Variants in RREB1 observed in about 807,000 individuals in gnomAD.
RREB1 encodes the protein ras responsive element binding protein 1.
In RREB1, 27 loss-of-function variants were observed where a neutral mutation model predicts 117.8. The ratio of observed to expected loss-of-function variants is 0.23; its 90% confidence interval spans 0.17 to 0.32. The LOEUF (loss-of-function observed/expected upper bound fraction) is 0.32, where lower values mean the gene tolerates loss of function less well. Ranked by LOEUF, RREB1 falls within the 10% of genes least tolerant of loss-of-function variation. RREB1 has a pLI of 1.00. For missense variants in RREB1, 2,577 were observed against 2,378.2 expected, an observed-to-expected ratio of 1.08 and a Z score of -1.74; for synonymous variants, 1,298 against 1,026.7, an observed-to-expected ratio of 1.26 and a Z score of -5.05.
At chr6:7,123,610 CTTT>C (rs5874079) in intron 1 of RREB1, among the ~76,000 whole-genome samples, 2 of 122,846 alleles carry the variant, frequency 1.6e-5, no homozygotes, top group Non-Finnish European at 3.3e-5. Flanking sequence ...TGTGATGTGT[CTTT>C]TTTTTTTTTT....
At chr6:7,129,503 T>A (rs560334188) in intron 1 of RREB1, among the ~76,000 whole-genome samples, 2 of 152,326 alleles carry the variant, frequency 1.3e-5, no homozygotes, top group African/African-American at 4.8e-5. Context: ...CACTGTTTGC[T>A]TTTTGGCCTG....
chr6:7,188,505 G>A (rs1765224798), intron 5 of RREB1, among the ~76,000 whole-genome samples: 1 of 152,144 alleles, frequency 6.6e-6, no homozygotes, highest in East Asian at 1.9e-4. Flanking sequence ...TACTCAGCTT[G>A]GGGTCTTTTT....
chr6:7,230,911 T>G lies in RREB1; in HGVS notation c.2812T>G (p.Ser938Ala), dbSNP rs747806428. 2 of 1,613,962 alleles carry G rather than the reference T, an allele frequency of 1.2e-6. No homozygotes were observed. Among genetic ancestry groups the G allele is most frequent in the African/African-American group, 2.7e-5 (2 of 74,912 alleles). ...CTGCTCCATGGAGCCCATCGACCTG[T>G]CCATCCCCAAGAACTTCAGGAAAGG... is the stretch of plus-strand genomic sequence containing the variant. The part of the protein sequence containing the change: ...YDCSMEPIDL[S>A]IPKNFRKGDK... Residue 938 changes from serine (S) to alanine (A), a missense_variant, in exon 10 of 13, where the codon TCC (serine) becomes GCC (alanine). By Grantham distance (99) the Ser-to-Ala change is moderately conservative (BLOSUM62 1). Transcript: ENST00000379938.
At chr6:7,215,755 G>C (rs1160421134) in intron 8 of RREB1, 3 of 152,274 alleles carry the variant, frequency 2.0e-5, no homozygotes, top group African/African-American at 7.2e-5. Flanking sequence ...AAAATGGTGA[G>C]TGATGTGGTT....
chr6:7,159,643 A>C (rs904264803), intron 1 of RREB1, among the ~76,000 whole-genome samples: 2 of 152,178 alleles, frequency 1.3e-5, no homozygotes, highest in East Asian at 1.9e-4. Context: ...AGAAAAGGGA[A>C]GGTTAGAGGA....
chr6:7,118,951 C>G (rs766159775), intron 1 of RREB1, among the ~76,000 whole-genome samples: 15 of 151,252 alleles, frequency 9.9e-5, no homozygotes, highest in Non-Finnish European at 1.9e-4. Flanking sequence ...ACCTGGCCTC[C>G]CATGGTGTTA....
intron 1 of RREB1, among the ~76,000 whole-genome samples, chr6:7,149,624 G>A (rs1283896341): frequency 6.6e-6 from 1 of 152,220 alleles, no homozygotes; most frequent in African/African-American, 2.4e-5. Context: ...TTTTGGCCAT[G>A]AGGAATAATC....
At chr6:7,135,938 C>A (rs1410791588) in intron 1 of RREB1, among the ~76,000 whole-genome samples, 1 of 152,080 alleles carries the variant, frequency 6.6e-6, no homozygotes, top group East Asian at 1.9e-4. Context: ...AATTACTGTC[C>A]TGTGGTGGAC....
intron 8 of RREB1, among the ~76,000 whole-genome samples, chr6:7,220,809 G>A (rs1767204494): frequency 2.0e-5 from 3 of 152,208 alleles, no homozygotes; most frequent in Admixed American, 1.3e-4. Flanking sequence ...TGGCAGAGTG[G>A]AGATACGCCA....
rs1767853283 is a variant in RREB1, at chr6:7,230,347, G to A, written c.2248G>A (p.Ala750Thr). 1.9e-6 allele frequency: 3 copies of A among 1,590,948 alleles called. No individual in the cohort carries two copies. The highest frequency in any genetic ancestry group is 1.7e-4 in the Middle Eastern group (1 of 6,036). ...GGCCGAGCTGGTGGACGCCTTCTGCGCCCCGGACACCGTGTGCCGGCTGTG... is the reference window on the plus strand; with the variant it reads ...GGCCGAGCTGGTGGACGCCTTCTGCACCCCGGACACCGTGTGCCGGCTGTG... ...SAAELVDAFC[A>T]PDTVCRLCGE... The change falls in exon 10 of 13, where the codon GCC (alanine) becomes ACC (threonine). Residue 750 changes from alanine to threonine, a missense_variant. Coordinates refer to ENST00000379938, the MANE Select transcript of RREB1 (RefSeq NM_001003699.4).
chr6:7,151,953 A>T (rs1472519231), intron 1 of RREB1, among the ~76,000 whole-genome samples: 1 of 152,258 alleles, frequency 6.6e-6, no homozygotes, highest in Non-Finnish European at 1.5e-5. Flanking sequence ...GAAATCACAG[A>T]AACTATGTGA....
intron 1 of RREB1, among the ~76,000 whole-genome samples, chr6:7,153,811 T>C (rs1028026324): frequency 4.9e-4 from 75 of 152,350 alleles, no homozygotes; most frequent in African/African-American, 1.8e-3. Context: ...CTTGTTGGTG[T>C]AGAATCCTCT....
chr6:7,107,945 C>T (rs1467305402), upstream of RREB1: 4 of 152,442 alleles, frequency 2.6e-5, no homozygotes, highest in South Asian at 2.1e-4. Context: ...TTTGCACATC[C>T]AGAAACGCCA....
At chr6:7,126,200 C>T (rs1184973466) in intron 1 of RREB1, among the ~76,000 whole-genome samples, 1 of 152,082 alleles carries the variant, frequency 6.6e-6, no homozygotes, top group Admixed American at 6.5e-5. Flanking sequence ...CTGGGTTTCA[C>T]TATGTTGGTC....
Position 7,231,474 on chromosome 6 carries a change from GTC to G in RREB1, c.3377_3378del (p.Ser1126Ter). 6.2e-7 allele frequency: 1 copy of G among 1,612,752 alleles called. No homozygotes were observed. The highest frequency in any genetic ancestry group is 8.5e-7 in the Non-Finnish European group (1 of 1,179,606). On this transcript the variant is annotated frameshift_variant, in exon 10 of 13. Transcript: ENST00000379938. LOFTEE classifies it high-confidence loss of function. ...TPAATTSPKESSEPPAPASSP... is the reference protein window; with the variant it reads ...TPAATTSPKEXSEPPAPASSP... ...CCGCTGCCACCACCAGCCCAAAAGA[GTC>G]TAGTGAGCCTCCCGCTCCAGCCAGC... is the stretch of plus-strand genomic sequence containing the variant.
intron 4 of RREB1, among the ~76,000 whole-genome samples, chr6:7,185,835 G>A (rs905307399): frequency 6.6e-6 from 1 of 152,204 alleles, no homozygotes; most frequent in African/African-American, 2.4e-5. Context: ...TAGGGCATGG[G>A]CTGTGGAGCA....
At position 7,249,808 on chromosome 6, in the gene RREB1, T is replaced by A. The variant is rs1037615094; in HGVS notation, c.*840T>A. 2 of 151,580 alleles carry A rather than the reference T, an allele frequency of 1.3e-5. No individual in the cohort carries two copies. The highest frequency in any genetic ancestry group is 3.9e-4 in the East Asian group (2 of 5,182). The allele number at this position is 151,580 out of a possible 1,614,324, so 9.4% of individuals were successfully genotyped here. ...AGTATATGTATTATTAATATTATTA[T>A]TATTATTATTATTATTAGTTCATCA... On this transcript the variant is annotated 3_prime_UTR_variant, in exon 13 of 13. Coordinates refer to ENST00000379938, the MANE Select transcript of RREB1 (RefSeq NM_001003699.4).
chr6:7,241,063 G>A (rs1235534414), intron 11 of RREB1, among the ~76,000 whole-genome samples: 1 of 152,102 alleles, frequency 6.6e-6, no homozygotes, highest in Non-Finnish European at 1.5e-5. Context: ...AGGAACGAGG[G>A]GTGCGGTGTT....
chr6:7,247,840 G>T (rs1769183559), intron 12 of RREB1, among the ~76,000 whole-genome samples: 1 of 152,230 alleles, frequency 6.6e-6, no homozygotes, highest in Non-Finnish European at 1.5e-5. Context: ...TGCTCATGGA[G>T]TCCAGAGATA....
Sources: allele counts gnomAD v4.1 joint callset (sites outside exome capture counted in the v4.1 genomes callset), GRCh38; gene constraint gnomAD v4.1.1; transcripts MANE v1.5; gene names NCBI Gene and HGNC (gene_info 2026-07-23, HGNC 2026-07-21).